The following TMEM117 variants were observed in gnomAD, a reference collection of about 807,000 sequenced individuals.
TMEM117 encodes the protein transmembrane protein 117.
TMEM117 carries 27 observed loss-of-function variants against 52.4 expected under a neutral mutation model. That is an observed-to-expected ratio of 0.51 (90% CI 0.38 to 0.71). The LOEUF (loss-of-function observed/expected upper bound fraction) is 0.71. Ranked by LOEUF, TMEM117 falls within the 30% of genes least tolerant of loss-of-function variation. The pLI is 0.00. For synonymous variants in TMEM117, 215 were observed against 206.3 expected (o/e 1.04, Z -0.36); for missense variants, 556 against 630.5 (o/e 0.88, Z 1.26).
intron 2 of TMEM117, among the ~76,000 whole-genome samples, chr12:43,852,181 C>T (rs1223153667): frequency 6.6e-6 from 1 of 152,126 alleles, no homozygotes; most frequent in Admixed American, 6.6e-5. Flanking sequence ...CCTGTAATCC[C>T]AGCACTTTGG....
chr12:44,349,659 T>G (rs568209662), intron 6 of TMEM117, among the ~76,000 whole-genome samples: 1 of 152,174 alleles, frequency 6.6e-6, no homozygotes, highest in East Asian at 1.9e-4. Context: ...CTGTTGGAAG[T>G]AGCATCCTTC....
chr12:44,209,632 G>A (rs1419970865), intron 4 of TMEM117, among the ~76,000 whole-genome samples: 3 of 151,850 alleles, frequency 2.0e-5, no homozygotes, highest in Admixed American at 2.0e-4. Context: ...AATTATTGTA[G>A]GCCCTATGTT....
At chr12:44,021,221 AG>A (rs1038466456) in intron 3 of TMEM117, among the ~76,000 whole-genome samples, 1 of 152,128 alleles carries the variant, frequency 6.6e-6, no homozygotes, top group African/African-American at 2.4e-5. Context: ...TATTAAGCCC[AG>A]TACCAAATAG....
Position 44,192,037 on chromosome 12 carries a change from A to G in TMEM117, c.511-19253A>G, listed in dbSNP as rs141116821. ...CAGCTTTAAGCATTAAATTTAATGT[A>G]TAAGGGTAGGATTGGTACTAATCAC... On this transcript the variant is annotated intron_variant, in intron 4 of 7. Transcript: ENST00000266534. Among the ~76,000 whole-genome samples the G allele has an allele frequency of 4.3e-4, 65 of 152,334 alleles. 2 individuals carry two copies. In the East Asian group the frequency reaches 0.013, roughly 29 times the overall value.
At chr12:43,920,362 A>T (rs1448475856) in intron 2 of TMEM117, among the ~76,000 whole-genome samples, 3 of 151,932 alleles carry the variant, frequency 2.0e-5, no homozygotes, top group African/African-American at 4.8e-5. Flanking sequence ...AAATACAAAA[A>T]ATTAGCCGGG....
chr12:43,840,347 A>G (rs528166860), intron 1 of TMEM117, among the ~76,000 whole-genome samples: 1 of 152,384 alleles, frequency 6.6e-6, no homozygotes, highest in Admixed American at 6.5e-5. Context: ...TGTAAAGCTC[A>G]TCAGCATAGT....
intron 3 of TMEM117, among the ~76,000 whole-genome samples, chr12:44,110,252 G>T (rs941080046): frequency 2.7e-5 from 4 of 150,268 alleles, no homozygotes; most frequent in African/African-American, 9.9e-5. Flanking sequence ...ATGTTGAATA[G>T]GAGCAGTGAG....
At chr12:44,151,561 A>G (rs2138223329) in intron 4 of TMEM117, among the ~76,000 whole-genome samples, 1 of 126,858 alleles carries the variant, frequency 7.9e-6, no homozygotes, top group East Asian at 2.4e-4. Context: ...TCCTGTGTCC[A>G]TGTTTAAAGC....
At chr12:43,830,087 C>CA in the TMEM117 span, among the ~76,000 whole-genome samples, 440 of 72,026 alleles carry the variant, frequency 6.1e-3, 2 homozygotes, top group South Asian at 0.013. Flanking sequence ...GACTCTGTCT[C>CA]AAAAAAAAAA....
At chr12:44,289,204 A>G (rs551838869) in intron 5 of TMEM117, among the ~76,000 whole-genome samples, 88 of 149,826 alleles carry the variant, frequency 5.9e-4, no homozygotes, top group Non-Finnish European at 6.5e-4. Context: ...CATCTCTTTT[A>G]AGGCTGAATA....
At chr12:44,305,230 T>C (rs754721422) in intron 6 of TMEM117, among the ~76,000 whole-genome samples, 1 of 147,724 alleles carries the variant, frequency 6.8e-6, no homozygotes, top group Non-Finnish European at 1.5e-5. Flanking sequence ...CTCTTCCTTC[T>C]TGACATTGGC....
At chr12:44,056,920 C>T (rs566184487) in intron 3 of TMEM117, among the ~76,000 whole-genome samples, 1 of 152,260 alleles carries the variant, frequency 6.6e-6, no homozygotes, top group Non-Finnish European at 1.5e-5. Flanking sequence ...CAGATGTGAG[C>T]AGGCACCCAC....
At chr12:44,093,088 G>A (rs1947701226) in intron 3 of TMEM117, among the ~76,000 whole-genome samples, 1 of 152,106 alleles carries the variant, frequency 6.6e-6, no homozygotes, top group African/African-American at 2.4e-5. Context: ...ATAAGACTGT[G>A]AAAGTTTGAG....
chr12:44,078,822 CT>C lies in TMEM117; in HGVS notation c.411-64702del, dbSNP rs759489435. On this transcript the variant is annotated intron_variant, in intron 3 of 7. Coordinates refer to ENST00000266534, the MANE Select transcript of TMEM117 (RefSeq NM_032256.3). The stretch of plus-strand genomic sequence containing the variant: ...TTTGCTGCAGCCATCAACCCATCAC[CT>C]ACATTAGGTATTTCTTCTAATGCTA... 5.9e-5 allele frequency among the ~76,000 whole-genome samples: 9 copies of C among 151,968 alleles called. No individual in the cohort carries two copies. The East Asian group carries it at 1.4e-3, about 23-fold the overall frequency.
intron 3 of TMEM117, among the ~76,000 whole-genome samples, chr12:43,956,165 G>A (rs1266740633): frequency 6.6e-6 from 1 of 152,116 alleles, no homozygotes; most frequent in Non-Finnish European, 1.5e-5. Flanking sequence ...AGCCTTAAAT[G>A]TAAAACCCAA....
At chr12:44,369,922 T>C (rs777888375) in intron 6 of TMEM117, among the ~76,000 whole-genome samples, 6 of 152,146 alleles carry the variant, frequency 3.9e-5, no homozygotes, top group Non-Finnish European at 8.8e-5. Context: ...GAATACAACA[T>C]AAGAGAAAAG....
At chr12:44,183,808 A>G (rs1226935330) in intron 4 of TMEM117, among the ~76,000 whole-genome samples, 1 of 152,150 alleles carries the variant, frequency 6.6e-6, no homozygotes, top group Non-Finnish European at 1.5e-5. Context: ...GTTGATAGCT[A>G]ATAGCCCATT....
chr12:44,243,670 A>C (rs1372179694), intron 5 of TMEM117, among the ~76,000 whole-genome samples: 1 of 151,914 alleles, frequency 6.6e-6, no homozygotes, highest in African/African-American at 2.4e-5. Context: ...GAAATATAAA[A>C]TACGTTATTA....
At chr12:44,341,912 G>T (rs533914575) in intron 6 of TMEM117, among the ~76,000 whole-genome samples, 3 of 152,244 alleles carry the variant, frequency 2.0e-5, no homozygotes, top group South Asian at 4.1e-4. Context: ...AGAGGCTGAC[G>T]TGGCAAGTGA....
Sources: gnomAD v4.1 joint callset for allele counts (sites outside exome capture counted in the v4.1 genomes callset) on GRCh38, gnomAD v4.1.1 for gene constraint, MANE v1.5 for transcripts, NCBI Gene and HGNC (gene_info 2026-07-23, HGNC 2026-07-21) for gene names.